Variants in PLCG2 observed in about 807,000 individuals in gnomAD.
The protein encoded by PLCG2 is 1-phosphatidylinositol 4,5-bisphosphate phosphodiesterase gamma-2.
In PLCG2, 69 loss-of-function variants were observed where a neutral mutation model predicts 175.6. That is an observed-to-expected ratio of 0.39 (90% CI 0.32 to 0.48). The LOEUF is 0.48. PLCG2 is among the 20% of genes least tolerant of loss of function. PLCG2 has a pLI of 0.91. For synonymous variants in PLCG2, 827 were observed against 624.0 expected, an observed-to-expected ratio of 1.33 and a Z score of -4.85; for missense variants, 1,798 against 1,650.9, an observed-to-expected ratio of 1.09 and a Z score of -1.54.
intron 5 of PLCG2, among the ~76,000 whole-genome samples, chr16:81,866,682 G>C (rs111723349): frequency 2.2e-5 from 3 of 136,512 alleles, no homozygotes; most frequent in Non-Finnish European, 4.9e-5. Flanking sequence ...AGAGGACGCT[G>C]GCCTCTCCCT....
upstream of PLCG2, among the ~76,000 whole-genome samples, chr16:81,778,049 A>AC (rs1597311867): frequency 6.1e-4 from 64 of 104,374 alleles, no homozygotes; most frequent in East Asian, 6.1e-3. Flanking sequence ...AAAACAAAAA[A>AC]AAAAACAAAA....
At chr16:81,867,863 AATTTTTTTT>A (rs1362092541) in intron 5 of PLCG2, among the ~76,000 whole-genome samples, 3 of 152,058 alleles carry the variant, frequency 2.0e-5, no homozygotes, top group Admixed American at 1.3e-4. Context: ...ATGCCTGGCT[AATTTTTTTT>A]GTATTTTTAG....
chr16:81,944,858 T>C (rs114754914), intron 30 of PLCG2, among the ~76,000 whole-genome samples: 3,962 of 152,182 alleles, frequency 0.026, 197 homozygotes, highest in African/African-American at 0.091. Flanking sequence ...CCCATAGATA[T>C]CAAGGGCCAA....
At position 81,791,150 on chromosome 16, in the gene PLCG2, G is replaced by T. The variant is rs867375457; in HGVS notation, c.193+4968G>T. 2.6e-5 allele frequency among the ~76,000 whole-genome samples: 4 copies of T among 152,296 alleles called. No individual in the cohort carries two copies. In the South Asian group the frequency reaches 6.2e-4, roughly 24 times the overall value. ...AGGATGGAGTCCCAGCTTGCAAGAG[G>T]GGGAGACAGACTCAAACTTGCCCTT... On this transcript the variant is annotated intron_variant, in intron 2 of 32. Coordinates refer to ENST00000564138, the MANE Select transcript of PLCG2 (RefSeq NM_002661.5).
upstream of PLCG2, among the ~76,000 whole-genome samples, chr16:81,775,165 C>G (rs1019562823): frequency 6.6e-6 from 1 of 152,178 alleles, no homozygotes; most frequent in Non-Finnish European, 1.5e-5. Context: ...GCCATCGTCA[C>G]AATCCATTTT....
At chr16:81,825,027 C>G (rs938015642) in intron 2 of PLCG2, among the ~76,000 whole-genome samples, 5 of 152,142 alleles carry the variant, frequency 3.3e-5, no homozygotes, top group East Asian at 1.9e-4. Context: ...CAGGTGGCCT[C>G]TAGAGCTGGG....
chr16:81,750,513 C>T (rs1208241001), intron 1 of PLCG2, among the ~76,000 whole-genome samples: 1 of 151,728 alleles, frequency 6.6e-6, no homozygotes, highest in African/African-American at 2.4e-5. Context: ...AAGATGTCTG[C>T]ACTGTCAGGT....
chr16:81,860,498 G>A (rs1375559091), intron 5 of PLCG2, among the ~76,000 whole-genome samples: 1 of 152,024 alleles, frequency 6.6e-6, no homozygotes, highest in African/African-American at 2.4e-5. Flanking sequence ...CTACCAGTGG[G>A]GCAAGAGGGC....
At chr16:81,798,364 C>T (rs1242578093) in intron 2 of PLCG2, 1 of 152,300 alleles carries the variant, frequency 6.6e-6, no homozygotes, top group Non-Finnish European at 1.5e-5. Context: ...GGGTGTCCTC[C>T]TCCTGCTCTT....
chr16:81,956,907 CT>C lies in PLCG2; in HGVS notation c.3755+32del, dbSNP rs775817046. The C allele has an allele frequency of 7.5e-6, 12 of 1,597,152 alleles. No individual in the cohort carries two copies. In the South Asian group the frequency reaches 1.3e-4, roughly 18 times the overall value. Reference sequence around the variant, plus strand: ...AGGTCAGCCCCTCCACCTGCAAAAACTTTTGGGGGGTCTCTAGGCACGGTGA... The same window carrying C: ...AGGTCAGCCCCTCCACCTGCAAAAACTTTGGGGGGTCTCTAGGCACGGTGA... On this transcript the variant is annotated intron_variant, in intron 32 of 32. Transcript: ENST00000564138.
intron 2 of PLCG2, among the ~76,000 whole-genome samples, chr16:81,843,395 C>T (rs1364854943): frequency 6.6e-6 from 1 of 152,188 alleles, no homozygotes; most frequent in African/African-American, 2.4e-5. Context: ...CCAGTACATT[C>T]CTGAAAACAC....
chr16:81,912,788 G>A lies in PLCG2; in HGVS notation c.2054+72G>A, dbSNP rs1033014750. Reference sequence around the variant, plus strand: ...AGGACAGATGCGGAGAGACAAGGGGGAACTTCAGGTGGAGGCTCACCTGCA... The same window carrying A: ...AGGACAGATGCGGAGAGACAAGGGGAAACTTCAGGTGGAGGCTCACCTGCA... On this transcript the variant is annotated intron_variant, in intron 19 of 32. Coordinates refer to ENST00000564138, the MANE Select transcript of PLCG2 (RefSeq NM_002661.5). 19 of 1,484,794 alleles carry A rather than the reference G, an allele frequency of 1.3e-5. No individual in the cohort carries two copies. In the East Asian group the frequency reaches 4.4e-4, roughly 34 times the overall value. 92.0% of individuals were successfully genotyped at this position (1,484,794 alleles called of 1,614,324 possible).
intron 2 of PLCG2, among the ~76,000 whole-genome samples, chr16:81,759,955 T>A (rs1910003750): frequency 6.6e-6 from 1 of 152,110 alleles, no homozygotes; most frequent in Non-Finnish European, 1.5e-5. Flanking sequence ...TGAAACCCCG[T>A]CTCTACTAAA....
intron 5 of PLCG2, among the ~76,000 whole-genome samples, chr16:81,865,282 G>C (rs543404897): frequency 6.6e-6 from 1 of 152,138 alleles, no homozygotes; most frequent in African/African-American, 2.4e-5. Context: ...AAGCTGAGCC[G>C]TTGGCTTCCT....
At chr16:81,845,233 T>C (rs867133643) in intron 2 of PLCG2, among the ~76,000 whole-genome samples, 1 of 152,216 alleles carries the variant, frequency 6.6e-6, no homozygotes, top group Admixed American at 6.5e-5. Context: ...GAGCCATTGT[T>C]CCCTGTCCCG....
At chr16:81,934,580 C>A in intron 26 of PLCG2, 49 bp downstream of exon 26, 1 of 1,109,798 alleles carries the variant, frequency 9.0e-7, no homozygotes, top group Non-Finnish European at 1.4e-6. Context: ...GAAAACTTAA[C>A]TTCCTTTAGA....
intron 6 of PLCG2, 99 bp downstream of exon 6, chr16:81,869,397 A>G (rs1907403727): frequency 1.2e-6 from 1 of 816,384 alleles, no homozygotes; most frequent in African/African-American, 1.7e-5. Context: ...GGAATAGTGC[A>G]CAAGAAAATC....
chr16:81,910,659 G>T lies in PLCG2; in HGVS notation c.1873G>T (p.Ala625Ser), dbSNP rs1009796025. The T allele has an allele frequency of 6.2e-7, 1 of 1,613,628 alleles. No individual in the cohort carries two copies. The highest frequency in any genetic ancestry group is 1.1e-5 in the South Asian group (1 of 91,086). The part of the protein sequence containing the change: ...QHYRETHLRC[A>S]EFELRLTDPV... ...CTACCGCGAGACGCACCTGCGCTGC[G>T]CCGAGTTCGAGCTGCGGCTCACGGA... The change falls in exon 18 of 33, where the codon GCC (alanine) becomes TCC (serine). Residue 625 changes from alanine (A) to serine (S), a missense_variant. Physicochemically the swap from Ala to Ser is moderately conservative, Grantham distance 99. Coordinates refer to ENST00000564138, the MANE Select transcript of PLCG2 (RefSeq NM_002661.5).
At chr16:81,769,819 CAAAAAAAAAAAAAAAA>C (rs71146043) in intron 2 of PLCG2, among the ~76,000 whole-genome samples, 2 of 75,660 alleles carry the variant, frequency 2.6e-5, no homozygotes, top group Non-Finnish European at 4.6e-5. Flanking sequence ...GACTCCGTCT[CAAAAAAAAAAAAAAAA>C]AAAAAAAAAA....
Sources: gnomAD v4.1 joint callset for allele counts (sites outside exome capture counted in the v4.1 genomes callset) on GRCh38, gnomAD v4.1.1 for gene constraint, MANE v1.5 for transcripts, NCBI Gene and HGNC (gene_info 2026-07-23, HGNC 2026-07-21) for gene names.